Variants in ACER3 observed in about 807,000 individuals in gnomAD.
ACER3 encodes the protein alkaline ceramidase 3, also known as alkCDase 3.
Under a neutral mutation model 48.9 loss-of-function variants are expected in ACER3, and 16 were observed. The observed-to-expected ratio is 0.33, with a 90% CI of 0.22 to 0.50. The LOEUF is 0.50. Among genes scored for constraint, ACER3 ranks in the 20% least tolerant of loss-of-function variants. The probability of loss-of-function intolerance (pLI) is 0.98; values close to 1 mark genes in which losing one functional copy is unlikely to be tolerated. For synonymous variants in ACER3, 109 were observed against 107.8 expected, an observed-to-expected ratio of 1.01 and a Z score of -0.07; for missense variants, 227 against 326.0, an observed-to-expected ratio of 0.70 and a Z score of 2.34.
At chr11:76,973,396 A>T (rs1392442594) in intron 3 of ACER3, among the ~76,000 whole-genome samples, 1 of 152,116 alleles carries the variant, frequency 6.6e-6, no homozygotes, top group Non-Finnish European at 1.5e-5. Flanking sequence ...GGTGAGCCTG[A>T]CTGGATCCTC....
At chr11:77,012,036 T>C (rs549241902) in intron 7 of ACER3, among the ~76,000 whole-genome samples, 2 of 152,214 alleles carry the variant, frequency 1.3e-5, no homozygotes, top group Admixed American at 1.3e-4. Flanking sequence ...TTACTTCTAT[T>C]CAACATTATA....
intron 2 of ACER3, among the ~76,000 whole-genome samples, chr11:76,943,859 T>A (rs1164092650): frequency 6.6e-6 from 1 of 151,840 alleles, no homozygotes; most frequent in Non-Finnish European, 1.5e-5. Context: ...TATTTAAGAT[T>A]GTCATATTCT....
chr11:77,002,862 G>A (rs1040468373), intron 7 of ACER3, among the ~76,000 whole-genome samples: 1 of 152,148 alleles, frequency 6.6e-6, no homozygotes, highest in Admixed American at 6.6e-5. Flanking sequence ...CAAATACTAC[G>A]AGTCCATTTA....
intron 1 of ACER3, among the ~76,000 whole-genome samples, chr11:76,902,613 G>T (rs1946108871): frequency 6.6e-6 from 1 of 151,962 alleles, no homozygotes. Context: ...CTGCTTCTTG[G>T]GAGCACTTCT....
chr11:76,875,729 G>GTTTTTTT (rs1390719448), intron 1 of ACER3, among the ~76,000 whole-genome samples: 2 of 79,816 alleles, frequency 2.5e-5, no homozygotes, highest in Admixed American at 1.2e-4. Context: ...CACAGTTTTT[G>GTTTTTTT]TTGTTTTTTT....
At chr11:76,861,822 G>C (rs1944948123) in intron 1 of ACER3, among the ~76,000 whole-genome samples, 1 of 152,166 alleles carries the variant, frequency 6.6e-6, no homozygotes, top group Non-Finnish European at 1.5e-5. Context: ...AACTATCTAG[G>C]AGTTAGGGGT....
intron 1 of ACER3, among the ~76,000 whole-genome samples, chr11:76,898,549 A>G (rs1188616141): frequency 6.6e-6 from 1 of 152,136 alleles, no homozygotes; most frequent in Non-Finnish European, 1.5e-5. Flanking sequence ...AGTAAGTAAG[A>G]AGATATAATT....
intron 1 of ACER3, among the ~76,000 whole-genome samples, chr11:76,883,224 C>T (rs1289281265): frequency 3.3e-5 from 5 of 152,024 alleles, no homozygotes; most frequent in Non-Finnish European, 7.4e-5. Flanking sequence ...TGGATTTTAC[C>T]GTATTTTTCT....
chr11:76,953,767 A>G (rs1348110780), intron 2 of ACER3, among the ~76,000 whole-genome samples: 1 of 152,144 alleles, frequency 6.6e-6, no homozygotes, highest in Non-Finnish European at 1.5e-5. Context: ...AATATTTTTG[A>G]TATCAAAATT....
intron 1 of ACER3, 122 bp downstream of exon 1, chr11:76,861,201 T>C (rs1452498242): frequency 2.2e-6 from 2 of 922,082 alleles, no homozygotes; most frequent in Admixed American, 5.1e-5. Flanking sequence ...CCCCGGGAGC[T>C]GGAATGCGGC....
At chr11:76,996,797 C>T (rs551880656) in intron 6 of ACER3, among the ~76,000 whole-genome samples, 1 of 149,944 alleles carries the variant, frequency 6.7e-6, no homozygotes, top group Non-Finnish European at 1.5e-5. Context: ...GCAATCTTAG[C>T]TCACTGCAAC....
chr11:76,887,716 G>A (rs548762221), intron 1 of ACER3, among the ~76,000 whole-genome samples: 13 of 151,566 alleles, frequency 8.6e-5, no homozygotes, highest in Non-Finnish European at 1.5e-4. Context: ...CCACACATGT[G>A]CATAAATTGC....
intron 7 of ACER3, among the ~76,000 whole-genome samples, chr11:77,013,717 C>T (rs1394675684): frequency 6.6e-6 from 1 of 152,056 alleles, no homozygotes; most frequent in Non-Finnish European, 1.5e-5. Context: ...TACAGCCATT[C>T]TTCTCCTAGC....
At chr11:77,007,229 AT>A (rs1231014156) in intron 7 of ACER3, among the ~76,000 whole-genome samples, 1 of 150,406 alleles carries the variant, frequency 6.6e-6, no homozygotes, top group Non-Finnish European at 1.5e-5. Flanking sequence ...TTTTATTTTT[AT>A]TTTTTTAACA....
At chr11:76,893,968 T>A (rs1945870034) in intron 1 of ACER3, among the ~76,000 whole-genome samples, 1 of 152,210 alleles carries the variant, frequency 6.6e-6, no homozygotes, top group Non-Finnish European at 1.5e-5. Flanking sequence ...TTCAACTTCT[T>A]GGCATCAGCA....
chr11:76,972,348 A>G (rs1241864710), intron 3 of ACER3, among the ~76,000 whole-genome samples: 1 of 152,160 alleles, frequency 6.6e-6, no homozygotes, highest in Non-Finnish European at 1.5e-5. Context: ...CTAATGTTGA[A>G]CATCTTTTCA....
chr11:76,960,639 G>T (rs574287162), intron 3 of ACER3, among the ~76,000 whole-genome samples: 18 of 152,282 alleles, frequency 1.2e-4, no homozygotes, highest in Non-Finnish European at 2.5e-4. Flanking sequence ...GCCACATGGG[G>T]TGGGGACCAT....
chr11:77,019,482 A>G, intron 9 of ACER3: 1 of 463,830 alleles, frequency 2.2e-6, no homozygotes, highest in Non-Finnish European at 3.9e-6. Context: ...TATGCTAAAT[A>G]TACTCTGCTT....
chr11:76,883,508 T>A (rs1945588541), intron 1 of ACER3, among the ~76,000 whole-genome samples: 1 of 139,322 alleles, frequency 7.2e-6, no homozygotes. Context: ...TAGCACGATC[T>A]CAGCTCACTG....
Sources: gnomAD v4.1 joint callset for allele counts (sites outside exome capture counted in the v4.1 genomes callset) on GRCh38, gnomAD v4.1.1 for gene constraint, MANE v1.5 for transcripts, NCBI Gene and HGNC (gene_info 2026-07-23, HGNC 2026-07-21) for gene names.